Variants in ANKRD36B observed in about 807,000 individuals in gnomAD.
ANKRD36B encodes the protein ankyrin repeat domain-containing protein 36B.
In ANKRD36B, 37 loss-of-function variants were observed where a neutral mutation model predicts 135.7. The ratio of observed to expected loss-of-function variants is 0.27; its 90% CI spans 0.21 to 0.36. The LOEUF is 0.36. Ranked by LOEUF, ANKRD36B falls within the 10% of genes least tolerant of loss-of-function variation. The pLI is 1.00. For missense variants in ANKRD36B, 549 were observed against 1,037.1 expected (o/e 0.53, Z 6.46); for synonymous variants, 179 against 348.1 (o/e 0.51, Z 5.41).
At chr2:97,533,164 C>A (rs1198378642) in intron 34 of ANKRD36B, among the ~76,000 whole-genome samples, 1 of 96,770 alleles carries the variant, frequency 1.0e-5, no homozygotes, top group African/African-American at 3.1e-5. Context: ...TGACAGATTT[C>A]TTTCATAATT....
At position 97,578,894 on chromosome 2, in the gene ANKRD36B, G is replaced by A. The variant is rs368357804; in HGVS notation, c.695+12C>T. 2.3e-5 allele frequency: 37 copies of A among 1,608,016 alleles called. No individual in the cohort carries two copies. Among genetic ancestry groups the A allele is most frequent in the African/African-American group, 1.7e-4 (13 of 74,784 alleles). ...ATTTAGTGTTCATTAGCCTTTTTACGTAAAGACTTACACTCTATTCTCAGC... is the reference window on the plus strand; with the variant it reads ...ATTTAGTGTTCATTAGCCTTTTTACATAAAGACTTACACTCTATTCTCAGC... On this transcript the variant is annotated intron_variant, in intron 5 of 43. Coordinates refer to ENST00000359901, the MANE Select transcript of ANKRD36B (RefSeq NM_001393939.1).
At position 97,536,719 on chromosome 2, in the gene ANKRD36B, GCAC is replaced by G. The variant is rs1434129958; in HGVS notation, c.2090-226_2090-224del. Among the ~76,000 whole-genome samples the G allele has an allele frequency of 6.2e-5, 6 of 96,080 alleles. 3 individuals carry two copies. Among genetic ancestry groups the G allele is most frequent in the Non-Finnish European group, 1.7e-4 (6 of 36,204 alleles). The allele number at this position is 96,080 out of a possible 152,430, so 63.0% of individuals were successfully genotyped here. On this transcript the variant is annotated intron_variant, in intron 32 of 43. Transcript: ENST00000359901. The stretch of plus-strand genomic sequence containing the variant: ...GTTACAAGTTAAAAAGTGAGATTAT[GCAC>G]CACATCTATTGCTAAAAAAAAGTGT...
chr2:97,587,621 A>G (rs1265350500), intron 1 of ANKRD36B, among the ~76,000 whole-genome samples: 2 of 152,214 alleles, frequency 1.3e-5, no homozygotes, highest in Non-Finnish European at 2.9e-5. Flanking sequence ...AGTGCTGAGA[A>G]AAACAAATTG....
At position 97,526,173 on chromosome 2, in the gene ANKRD36B, C is replaced by T. The variant is rs1405211990; in HGVS notation, c.2266-2706G>A. 4.3e-5 allele frequency among the ~76,000 whole-genome samples: 4 copies of T among 93,116 alleles called. 1 individual carries two copies. In the East Asian group the frequency reaches 9.4e-4, roughly 22 times the overall value. 61.1% of individuals were successfully genotyped at this position (93,116 alleles called of 152,430 possible). A position where few individuals can be genotyped will look rare whatever the true frequency, so the allele number is the denominator to read the frequency against. On this transcript the variant is annotated intron_variant, in intron 35 of 43. Coordinates refer to ENST00000359901, the MANE Select transcript of ANKRD36B (RefSeq NM_001393939.1). ...CACCCCCCAGTAGGGGCAGACTGAA[C>T]CTCACATGGCTGGGTACTCCTCTGA...
rs1559251709 is a variant in ANKRD36B, at chr2:97,585,304, C to G, written c.256G>C (p.Asp86His). The change falls in exon 2 of 44, where the codon GAC (aspartate) becomes CAC (histidine). Residue 86 changes from aspartate (D) to histidine (H), a missense_variant. Transcript: ENST00000359901. Reference sequence around the variant, plus strand: ...TGTACCTTGATCAGAGGTGTCCTGTCTTCACGGTCGCAGAGGTTAAGCTCA... The same window carrying G: ...TGTACCTTGATCAGAGGTGTCCTGTGTTCACGGTCGCAGAGGTTAAGCTCA... ...RCELNLCDREDRTPLIKAVQL... is the reference protein window; with the variant it reads ...RCELNLCDREHRTPLIKAVQL... 6.3e-7 allele frequency: 1 copy of G among 1,581,428 alleles called. No homozygotes were observed. The highest frequency in any genetic ancestry group is 1.8e-5 in the Admixed American group (1 of 55,436).
intron 35 of ANKRD36B, chr2:97,523,822 A>T (rs1468790567): frequency 1.5e-5 from 1 of 64,968 alleles, no homozygotes; most frequent in Non-Finnish European, 4.2e-5. Context: ...TACACAAGAG[A>T]TTTTCATAAG....
At chr2:97,547,862 G>T (rs943174534) in intron 20 of ANKRD36B, 131 bp from the exon 21 acceptor site, 2 of 1,349,164 alleles carry the variant, frequency 1.5e-6, no homozygotes, top group African/African-American at 2.9e-5. Flanking sequence ...CTTCTACTTT[G>T]TGTCTGGGGA....
At chr2:97,558,037 C>T (rs1040957034) in intron 10 of ANKRD36B, among the ~76,000 whole-genome samples, 9 of 152,062 alleles carry the variant, frequency 5.9e-5, no homozygotes, top group East Asian at 1.9e-4. Context: ...CATTAAATTG[C>T]TATTTTTATC....
chr2:97,548,575 T>C (rs2079722120), intron 20 of ANKRD36B, among the ~76,000 whole-genome samples: 1 of 151,944 alleles, frequency 6.6e-6, no homozygotes, highest in Non-Finnish European at 1.5e-5. Context: ...TTTTTGTTTC[T>C]AAAATAGCTT....
At chr2:97,585,989 A>G (rs1559253431) in intron 1 of ANKRD36B, among the ~76,000 whole-genome samples, 2 of 152,180 alleles carry the variant, frequency 1.3e-5, no homozygotes, top group Non-Finnish European at 2.9e-5. Context: ...ACAATTCATT[A>G]TTTATTACAT....
Position 97,527,469 on chromosome 2 carries a change from A to G in ANKRD36B, c.2266-4002T>C, listed in dbSNP as rs1293677038. ...AAAATCATGACAAAATATAAAGACCATCGAGACTAGGAAGAAACTGCATTA... is the reference window on the plus strand; with the variant it reads ...AAAATCATGACAAAATATAAAGACCGTCGAGACTAGGAAGAAACTGCATTA... On this transcript the variant is annotated intron_variant, in intron 35 of 43. Transcript: ENST00000359901. Among the ~76,000 whole-genome samples, 2 of 95,436 alleles carry G rather than the reference A, an allele frequency of 2.1e-5. 1 individual carries two copies. 62.6% of individuals were successfully genotyped at this position (95,436 alleles called of 152,430 possible). A position where few individuals can be genotyped will look rare whatever the true frequency, so the allele number is the denominator to read the frequency against.
chr2:97,560,508 T>C (rs1302738272), intron 8 of ANKRD36B, among the ~76,000 whole-genome samples, 157 bp downstream of exon 8: 2 of 151,866 alleles, frequency 1.3e-5, no homozygotes, highest in Non-Finnish European at 2.9e-5. Context: ...GGACCAGCAG[T>C]ATCAGAGTCA....
At position 97,547,534 on chromosome 2, in the gene ANKRD36B, A is replaced by G; in HGVS notation, c.1579+2T>C. On this transcript the variant is annotated splice_donor_variant, in intron 22 of 43. Coordinates refer to ENST00000359901, the MANE Select transcript of ANKRD36B (RefSeq NM_001393939.1). LOFTEE classifies it high-confidence loss of function. ...TGACATTAAATCTCTTTTCAAAATT[A>G]CCTCTCCTAGTTTTTTCTCCATCTT... 6.5e-7 allele frequency: 1 copy of G among 1,537,900 alleles called. No homozygotes were observed. Among genetic ancestry groups the G allele is most frequent in the African/African-American group, 1.4e-5 (1 of 73,440 alleles).
rs1483502547 is a variant in ANKRD36B, at chr2:97,538,756, A to G, written c.1988-393T>C. On this transcript the variant is annotated intron_variant, in intron 30 of 43. Transcript: ENST00000359901. The stretch of plus-strand genomic sequence containing the variant: ...CATGTTTTTCATGCAAGACATCAGA[A>G]GGATTTATACCACTGTACTGCAAGT... Among the ~76,000 whole-genome samples, 3 of 97,354 alleles carry G rather than the reference A, an allele frequency of 3.1e-5. 1 individual carries two copies. The highest frequency in any genetic ancestry group is 2.3e-4 in the East Asian group (1 of 4,366). The allele number at this position is 97,354 out of a possible 152,430, so 63.9% of individuals were successfully genotyped here. A position where few individuals can be genotyped will look rare whatever the true frequency, so the allele number is the denominator to read the frequency against.
At position 97,544,718 on chromosome 2, in the gene ANKRD36B, C is replaced by A. The variant is rs1407072220; in HGVS notation, c.1682-733G>T. ...GTTGACGTACTTCTACAAAGTAAAA[C>A]TGCTACAAGCATTAGATATTAATAA... On this transcript the variant is annotated intron_variant, in intron 24 of 43. Coordinates refer to ENST00000359901, the MANE Select transcript of ANKRD36B (RefSeq NM_001393939.1). 2.1e-5 allele frequency among the ~76,000 whole-genome samples: 2 copies of A among 96,568 alleles called. 1 individual carries two copies. The highest frequency in any genetic ancestry group is 6.2e-5 in the African/African-American group (2 of 32,464). The allele number at this position is 96,568 out of a possible 152,430, so 63.4% of individuals were successfully genotyped here. A position where few individuals can be genotyped will look rare whatever the true frequency, so the allele number is the denominator to read the frequency against.
chr2:97,586,913 C>T (rs1457367545), intron 1 of ANKRD36B, among the ~76,000 whole-genome samples: 1 of 152,208 alleles, frequency 6.6e-6, no homozygotes, highest in African/African-American at 2.4e-5. Context: ...GTGGCTCACA[C>T]CTGTAATCCC....
Position 97,532,112 on chromosome 2 carries a change from T to C in ANKRD36B, c.2265+199A>G, listed in dbSNP as rs574609575. On this transcript the variant is annotated intron_variant, in intron 35 of 43. Transcript: ENST00000359901. ...GAACTTTTTAACTCAATTCCAAGAGTAAAGATTAGATACAAGTTGCTATAG... is the reference window on the plus strand; with the variant it reads ...GAACTTTTTAACTCAATTCCAAGAGCAAAGATTAGATACAAGTTGCTATAG... 3.9e-4 allele frequency among the ~76,000 whole-genome samples: 38 copies of C among 96,262 alleles called. 4 individuals are homozygous for C. Among genetic ancestry groups the C allele is most frequent in the African/African-American group, 1.2e-3 (38 of 32,282 alleles). The allele number at this position is 96,262 out of a possible 152,430, so 63.2% of individuals were successfully genotyped here.
intron 14 of ANKRD36B, among the ~76,000 whole-genome samples, chr2:97,554,037 A>C (rs541004002): frequency 1.5e-3 from 234 of 152,076 alleles, no homozygotes; most frequent in African/African-American, 4.7e-3. Flanking sequence ...CACTCATGGC[A>C]ACAAAGTATA....
At chr2:97,562,189 TTTCTAAATCACTAGAGAC>T (rs1358718067) in intron 6 of ANKRD36B, among the ~76,000 whole-genome samples, 2 of 150,662 alleles carry the variant, frequency 1.3e-5, no homozygotes, top group Non-Finnish European at 2.9e-5. Context: ...CTAAACAAAG[TTTCTAAATCACTAGAGAC>T]TTCTTTTCTT....
Sources: gnomAD v4.1 joint callset for allele counts (sites outside exome capture counted in the v4.1 genomes callset) on GRCh38, gnomAD v4.1.1 for gene constraint, MANE v1.5 for transcripts, NCBI Gene and HGNC (gene_info 2026-07-23, HGNC 2026-07-21) for gene names.